KLHL35: variants seen among roughly 807,000 people sequenced by gnomAD.
The protein encoded by KLHL35 is kelch like family member 35, also known as kelch-like protein 35.
In KLHL35, 50 loss-of-function variants were observed where a neutral mutation model predicts 44.0. That is an observed-to-expected ratio of 1.14 (90% CI 0.91 to 1.44). KLHL35 has a LOEUF of 1.44. Ranked by LOEUF, KLHL35 falls within the 40% of genes most tolerant of loss-of-function variation. The pLI is 0.00. For missense variants in KLHL35, 1,049 were observed against 887.8 expected (o/e 1.18, Z -2.31); for synonymous variants, 470 against 410.4 (o/e 1.15, Z -1.76).
intron 4 of KLHL35, chr11:75,425,885 C>T (rs1452130223): frequency 2.9e-6 from 1 of 346,778 alleles, no homozygotes; most frequent in African/African-American, 2.1e-5. Context: ...TGAGACTTTA[C>T]CACCCCACTT....
chr11:75,429,657 G>C (rs572847619), intron 2 of KLHL35, 92 bp downstream of exon 2: 4 of 1,321,472 alleles, frequency 3.0e-6, no homozygotes, highest in South Asian at 3.4e-5. Context: ...ATATCATCAA[G>C]AGGCAGTACT....
rs1051584646 is a variant in KLHL35, at chr11:75,430,398, C to T, written c.232G>A (p.Gly78Ser). ...GGCACCACTGGCACCACGGCCGGGCCGCGCTCGGGCCGCCCGGCCGCGAAC... is the reference window on the plus strand; with the variant it reads ...GGCACCACTGGCACCACGGCCGGGCTGCGCTCGGGCCGCCCGGCCGCGAAC... ...SLFAAGRPER[G>S]PAVVPVVPVA... Residue 78 changes from glycine to serine, a missense_variant, in exon 2 of 7, where the codon GGC (glycine) becomes AGC (serine). Coordinates refer to ENST00000539798, the MANE Select transcript of KLHL35 (RefSeq NM_001039548.3). The T allele has an allele frequency of 1.1e-3, 1,518 of 1,371,322 alleles. 4 individuals carry two copies. Among genetic ancestry groups the T allele is most frequent in the Admixed American group, 1.4e-3 (46 of 33,240 alleles). 84.9% of individuals were successfully genotyped at this position (1,371,322 alleles called of 1,614,324 possible). A position where few individuals can be genotyped will look rare whatever the true frequency, so the allele number is the denominator to read the frequency against.
intron 5 of KLHL35, chr11:75,424,197 T>A: frequency 3.2e-6 from 1 of 309,528 alleles, no homozygotes; most frequent in Admixed American, 4.7e-5. Flanking sequence ...CCCTCACCCC[T>A]CAACACACAC....
rs1948520707 is a variant in KLHL35, at chr11:75,429,992, TCG to T, written c.636_637del (p.Glu213GlyfsTer5). On this transcript the variant is annotated frameshift_variant, in exon 2 of 7. Transcript: ENST00000539798. LOFTEE classifies it high-confidence loss of function. The stretch of plus-strand genomic sequence containing the variant: ...CATGGCCGCTTCAAACACGGCCTCC[TCG>T]CGCGCCACGCCCAGCGCGGGGTCCG... 2 of 1,418,126 alleles carry T rather than the reference TCG, an allele frequency of 1.4e-6. No individual in the cohort carries two copies. The highest frequency in any genetic ancestry group is 1.8e-6 in the Non-Finnish European group (2 of 1,090,752). The allele number at this position is 1,418,126 out of a possible 1,614,324, so 87.8% of individuals were successfully genotyped here.
Position 75,430,333 on chromosome 11 carries a change from C to A in KLHL35, c.297G>T (p.Ala99=), listed in dbSNP as rs992358222. 1.0e-5 allele frequency: 13 copies of A among 1,278,850 alleles called. No individual in the cohort carries two copies. The Admixed American group carries it at 4.2e-4, about 41-fold the overall frequency. The allele number at this position is 1,278,850 out of a possible 1,614,324, so 79.2% of individuals were successfully genotyped here. ...CGAGCACCACGGCCAGCGCCGCCGC[C>A]GCCCCGGCCGGGCTCGTGCCTGGCG... The part of the protein sequence containing the change: ...PEAPGTSPAG[A]AAALAVVLDY... Residue 99 remains alanine, a synonymous_variant, in exon 2 of 7, where the codon GCG becomes GCT. Transcript: ENST00000539798.
rs773423613 is a variant in KLHL35, at chr11:75,425,468, C to G, written c.1299G>C (p.Ser433=). Residue 433 remains serine, a synonymous_variant, in exon 5 of 7, where the codon TCG becomes TCC. Coordinates refer to ENST00000539798, the MANE Select transcript of KLHL35 (RefSeq NM_001039548.3). ...AAAPLPEAVS[S]AAVASCAGKL... ...TGCCCGCGCAGGACGCCACCGCCGCCGAGCTCACGGCCTCCGGGAGGGGCG... is the reference window on the plus strand; with the variant it reads ...TGCCCGCGCAGGACGCCACCGCCGCGGAGCTCACGGCCTCCGGGAGGGGCG... 1.9e-6 allele frequency: 3 copies of G among 1,573,644 alleles called. No homozygotes were observed. Among genetic ancestry groups the G allele is most frequent in the Non-Finnish European group, 2.6e-6 (3 of 1,165,360 alleles).
In KLHL35 at chr11:75,430,084, G is replaced by T; in HGVS notation, c.546C>A (p.Phe182Leu). 1 of 1,379,484 alleles carries T rather than the reference G, an allele frequency of 7.2e-7. No individual in the cohort carries two copies. Among genetic ancestry groups the T allele is most frequent in the Non-Finnish European group, 9.4e-7 (1 of 1,068,448 alleles). The allele number at this position is 1,379,484 out of a possible 1,614,324, so 85.5% of individuals were successfully genotyped here. Residue 182 changes from phenylalanine to leucine, a missense_variant, in exon 2 of 7, where the codon TTC (phenylalanine) becomes TTA (leucine). Physicochemically the swap from Phe to Leu is conservative, Grantham distance 22. Coordinates refer to ENST00000539798, the MANE Select transcript of KLHL35 (RefSeq NM_001039548.3). The stretch of plus-strand genomic sequence containing the variant: ...AGTCGGCGTGGCGCGCCACCTCGGC[G>T]AAGGCCTGACGCAGGACGCGGCCGC... ...ERCGRVLRQA[F>L]AEVARHADFL...
rs372814752 is a variant in KLHL35, at chr11:75,422,623, C to T, written c.1709G>A (p.Ser570Asn). ...GATGATGGTGACACAGCCGTGGGAG[C>T]TGGTGCAGCGCTGCAGGGATGGCTG... ...EVQPSLQRCT[S>N]SHGCVTIIQS... Residue 570 changes from serine to asparagine, a missense_variant, in exon 7 of 7, where the codon AGC becomes AAC. Physicochemically the swap from Ser to Asn is conservative, Grantham distance 46 (BLOSUM62 1). Transcript: ENST00000539798. 3.7e-6 allele frequency: 6 copies of T among 1,613,884 alleles called. No homozygotes were observed. Among genetic ancestry groups the T allele is most frequent in the Non-Finnish European group, 3.4e-6 (4 of 1,179,810 alleles).
Position 75,430,352 on chromosome 11 carries a change from C to T in KLHL35, c.278G>A (p.Gly93Asp), listed in dbSNP as rs1948526164. The T allele has an allele frequency of 1.5e-6, 2 of 1,320,200 alleles. No individual in the cohort carries two copies. Among genetic ancestry groups the T allele is most frequent in the Admixed American group, 3.4e-5 (1 of 29,304 alleles). The allele number at this position is 1,320,200 out of a possible 1,614,324, so 81.8% of individuals were successfully genotyped here. Residue 93 changes from glycine (G) to aspartate (D), a missense_variant, in exon 2 of 7, where the codon GGC becomes GAC. Coordinates refer to ENST00000539798, the MANE Select transcript of KLHL35 (RefSeq NM_001039548.3). The part of the protein sequence containing the change: ...PVVPVAPEAP[G>D]TSPAGAAAAL... ...CGCCGCCGCCCCGGCCGGGCTCGTG[C>T]CTGGCGCCTCGGGAGCTACTGGCAC...
intron 2 of KLHL35, among the ~76,000 whole-genome samples, chr11:75,428,834 C>T (rs2508621): frequency 6.6e-6 from 1 of 152,088 alleles, no homozygotes; most frequent in Non-Finnish European, 1.5e-5. Flanking sequence ...TAATGCTTAC[C>T]GCATTCTGCT....
In KLHL35 at chr11:75,426,518, A is replaced by G. The variant is rs1565171339; in HGVS notation, c.1185+2T>C. The G allele has an allele frequency of 6.3e-7, 1 of 1,580,850 alleles. No individual in the cohort carries two copies. Among genetic ancestry groups the G allele is most frequent in the Non-Finnish European group, 8.6e-7 (1 of 1,162,552 alleles). ...AGGGCAGCCGCTGCAGCTCGTGCCT[A>G]CCTGCCCCTGCACAACTGCCATCTT... On this transcript the variant is annotated splice_donor_variant, in intron 4 of 6. Coordinates refer to ENST00000539798, the MANE Select transcript of KLHL35 (RefSeq NM_001039548.3). LOFTEE classifies it high-confidence loss of function.
rs1204656487 is a variant in KLHL35, at chr11:75,425,478, G to C, written c.1289C>G (p.Ala430Gly). 2.5e-6 allele frequency: 4 copies of C among 1,571,774 alleles called. No individual in the cohort carries two copies. Among genetic ancestry groups the C allele is most frequent in the Non-Finnish European group, 3.4e-6 (4 of 1,164,730 alleles). Residue 430 changes from alanine (A) to glycine (G), a missense_variant, in exon 5 of 7, where the codon GCC becomes GGC. Coordinates refer to ENST00000539798, the MANE Select transcript of KLHL35 (RefSeq NM_001039548.3). Reference sequence around the variant, plus strand: ...GGACGCCACCGCCGCCGAGCTCACGGCCTCCGGGAGGGGCGCGGCGGCCGC... The same window carrying C: ...GGACGCCACCGCCGCCGAGCTCACGCCCTCCGGGAGGGGCGCGGCGGCCGC... ...TWAAAAPLPEAVSSAAVASCA... is the reference protein window; with the variant it reads ...TWAAAAPLPEGVSSAAVASCA...
Position 75,430,612 on chromosome 11 carries a change from C to A in KLHL35, c.18G>T (p.Ala6=), listed in dbSNP as rs1358777795. ...CGCAGCCCGGCTCCGACTCCTCCGG[C>A]GCATGGCCTTGCCGCATCCTGCCGG... MRQGH[A]PEESEPGCEA... is the part of the protein sequence containing the mutation. The change falls in exon 2 of 7, where the codon GCG becomes GCT. Residue 6 remains alanine (A), a synonymous_variant. Coordinates refer to ENST00000539798, the MANE Select transcript of KLHL35 (RefSeq NM_001039548.3). The A allele has an allele frequency of 1.4e-6, 2 of 1,398,864 alleles. No homozygotes were observed. Among genetic ancestry groups the A allele is most frequent in the South Asian group, 3.0e-5 (2 of 66,326 alleles). 86.7% of individuals were successfully genotyped at this position (1,398,864 alleles called of 1,614,324 possible).
rs774830614 is a variant in KLHL35, at chr11:75,429,952, G to A, written c.678C>T (p.His226=). 1.0e-5 allele frequency: 15 copies of A among 1,451,718 alleles called. No homozygotes were observed. In the Admixed American group the frequency reaches 4.1e-4, roughly 40 times the overall value. 89.9% of individuals were successfully genotyped at this position (1,451,718 alleles called of 1,614,324 possible). ...GCTGGCCGCGGCGGGCCGGCGCGTC[G>A]TGGCGCACCCAGCGCATGGCCGCTT... The part of the protein sequence containing the change: ...VFEAAMRWVR[H]DAPARRGQLR... The change falls in exon 2 of 7, where the codon CAC becomes CAT. Residue 226 remains histidine (H), a synonymous_variant. Coordinates refer to ENST00000539798, the MANE Select transcript of KLHL35 (RefSeq NM_001039548.3).
Position 75,430,243 on chromosome 11 carries a change from C to T in KLHL35, c.387G>A (p.Leu129=). Residue 129 remains leucine, a synonymous_variant, in exon 2 of 7, where the codon CTG becomes CTA. Transcript: ENST00000539798. The stretch of plus-strand genomic sequence containing the variant: ...GGCCCGCCACGCCCAGCCGCTCCGC[C>T]AGCGCCAGCACGGCCGCCGCCTCGT... The part of the protein sequence containing the change: ...AEDEAAAVLA[L]AERLGVAGLR... 2.5e-6 allele frequency: 3 copies of T among 1,216,810 alleles called. No individual in the cohort carries two copies. The highest frequency in any genetic ancestry group is 2.0e-6 in the Non-Finnish European group (2 of 975,772). 75.4% of individuals were successfully genotyped at this position (1,216,810 alleles called of 1,614,324 possible). A position where few individuals can be genotyped will look rare whatever the true frequency, so the allele number is the denominator to read the frequency against.
rs1948456553 is a variant in KLHL35 at position 75,422,519 on chromosome 11, G to C, written c.*61C>G. 6.7e-7 allele frequency: 1 copy of C among 1,499,992 alleles called. No homozygotes were observed. The highest frequency in any genetic ancestry group is 9.2e-7 in the Non-Finnish European group (1 of 1,088,040). The allele number at this position is 1,499,992 out of a possible 1,614,324, so 92.9% of individuals were successfully genotyped here. On this transcript the variant is annotated 3_prime_UTR_variant, in exon 7 of 7. Coordinates refer to ENST00000539798, the MANE Select transcript of KLHL35 (RefSeq NM_001039548.3). ...TGCGTGGAGGTGCCATGAGGGAGCA[G>C]AGTGTGCATCTGAGCTCCGCCTGCC...
At chr11:75,424,578 T>C (rs1386184135) in intron 5 of KLHL35, 2 of 152,568 alleles carry the variant, frequency 1.3e-5, no homozygotes, top group Admixed American at 6.5e-5. Context: ...CTATAACAAA[T>C]CAGTGCTGCA....
Position 75,430,107 on chromosome 11 carries a change from C to A in KLHL35, c.523G>T (p.Gly175Cys). The A allele has an allele frequency of 7.7e-7, 1 of 1,297,412 alleles. No homozygotes were observed. The highest frequency in any genetic ancestry group is 9.7e-7 in the Non-Finnish European group (1 of 1,027,152). 80.4% of individuals were successfully genotyped at this position (1,297,412 alleles called of 1,614,324 possible). A position where few individuals can be genotyped will look rare whatever the true frequency, so the allele number is the denominator to read the frequency against. The change falls in exon 2 of 7, where the codon GGC (glycine) becomes TGC (cysteine). Residue 175 changes from glycine (G) to cysteine (C), a missense_variant. Gly to Cys is a radical substitution (Grantham distance 159). Transcript: ENST00000539798. ...GCGAAGGCCTGACGCAGGACGCGGC[C>A]GCAGCGCTCGGCCAGCGGGGCCAGC... ...FSLAPLAERC[G>C]RVLRQAFAEV...
chr11:75,423,922 C>A (rs1054316618), intron 5 of KLHL35, 42 bp from the exon 6 acceptor site: 2 of 1,466,140 alleles, frequency 1.4e-6, no homozygotes, highest in Non-Finnish European at 1.8e-6. Context: ...CACCGCCCCC[C>A]CCAACAAATG....
Sources: gnomAD v4.1 joint callset for allele counts (sites outside exome capture counted in the v4.1 genomes callset) on GRCh38, gnomAD v4.1.1 for gene constraint, MANE v1.5 for transcripts, NCBI Gene and HGNC (gene_info 2026-07-23, HGNC 2026-07-21) for gene names.